Variants in ARHGAP42 observed in about 807,000 individuals in gnomAD.
ARHGAP42 encodes the protein Rho GTPase activating protein 42.
A neutral mutation model predicts 125.0 loss-of-function variants in ARHGAP42; 63 were observed. That is an observed-to-expected ratio of 0.50 (90% CI 0.41 to 0.62). The LOEUF (loss-of-function observed/expected upper bound fraction) is 0.62. ARHGAP42 is among the 20% of genes least tolerant of loss of function. The probability of loss-of-function intolerance (pLI) is 0.00; values close to 1 mark genes in which losing one functional copy is unlikely to be tolerated. For missense variants in ARHGAP42, 766 were observed against 1,024.2 expected, an observed-to-expected ratio of 0.75 and a Z score of 3.44; for synonymous variants, 339 against 351.0, an observed-to-expected ratio of 0.97 and a Z score of 0.38.
intron 3 of ARHGAP42, among the ~76,000 whole-genome samples, chr11:100,844,028 G>A (rs528820541): frequency 3.8e-4 from 58 of 152,130 alleles, no homozygotes; most frequent in African/African-American, 1.3e-3. Flanking sequence ...TGGAGGCATT[G>A]CATTACCTGA....
chr11:100,859,688 A>G (rs1865399590), intron 4 of ARHGAP42, 63 bp downstream of exon 4: 3 of 1,269,938 alleles, frequency 2.4e-6, no homozygotes, highest in African/African-American at 3.1e-5. Context: ...ACATAATTTC[A>G]GATGTTAACA....
At chr11:100,702,566 T>TAAA (rs34466184) in intron 1 of ARHGAP42, among the ~76,000 whole-genome samples, 1 of 141,088 alleles carries the variant, frequency 7.1e-6, no homozygotes, top group Non-Finnish European at 1.5e-5. Context: ...CTTCGATTTG[T>TAAA]AAAAAAAAAA....
chr11:100,822,356 GAATCA>G (rs1864423141), intron 3 of ARHGAP42, among the ~76,000 whole-genome samples: 1 of 151,964 alleles, frequency 6.6e-6, no homozygotes, highest in South Asian at 2.1e-4. Context: ...AGTTTCTATT[GAATCA>G]GTGGTGGATT....
intron 2 of ARHGAP42, among the ~76,000 whole-genome samples, chr11:100,780,392 T>C (rs998415806): frequency 6.6e-6 from 1 of 152,328 alleles, no homozygotes; most frequent in South Asian, 2.1e-4. Flanking sequence ...AATATATACT[T>C]GATCCTAATT....
intron 3 of ARHGAP42, among the ~76,000 whole-genome samples, chr11:100,810,580 G>A (rs1347889603): frequency 1.3e-5 from 2 of 151,962 alleles, no homozygotes; most frequent in Non-Finnish European, 2.9e-5. Flanking sequence ...ATATCTAACT[G>A]CCTTGGTGGA....
Position 100,736,723 on chromosome 11 carries a change from G to A in ARHGAP42, c.155-33620G>A, listed in dbSNP as rs571553430. The stretch of plus-strand genomic sequence containing the variant: ...GTAATTTCTCCGAAAGGATCTTGAC[G>A]TGTTACTGTTATAATAAGCTAAGCA... On this transcript the variant is annotated intron_variant, in intron 1 of 23. Transcript: ENST00000298815. Among the ~76,000 whole-genome samples the A allele has an allele frequency of 7.6e-4, 116 of 152,230 alleles. 1 individual carries two copies. The Middle Eastern group carries it at 0.02, about 27-fold the overall frequency.
In ARHGAP42 at chr11:100,976,150, C is replaced by T; in HGVS notation, c.1949C>T (p.Ser650Leu). 6.4e-7 allele frequency: 1 copy of T among 1,551,654 alleles called. No homozygotes were observed. The stretch of plus-strand genomic sequence containing the variant: ...TCTGAACAAAATAGCACTACAAAGT[C>T]AGCTTCCTGCCAGCCCAGGGAGAAA... ...HSSEQNSTTK[S>L]ASCQPREKSG... is the part of the protein sequence containing the mutation. Residue 650 changes from serine to leucine, a missense_variant, in exon 20 of 24, where the codon TCA (serine) becomes TTA (leucine). Ser to Leu is a moderately radical substitution (Grantham distance 145). This residue lies in a region of ARHGAP42 where 308 missense variants were observed against 369.7 expected (regional missense o/e 0.83). Transcript: ENST00000298815.
intron 1 of ARHGAP42, among the ~76,000 whole-genome samples, chr11:100,730,060 C>T (rs1466581017): frequency 2.0e-5 from 3 of 152,010 alleles, no homozygotes; most frequent in Non-Finnish European, 2.9e-5. Context: ...CCACCTGCCT[C>T]GGCCTCCCAA....
chr11:100,967,396 T>C (rs1224595358), intron 17 of ARHGAP42, among the ~76,000 whole-genome samples: 1 of 152,198 alleles, frequency 6.6e-6, no homozygotes, highest in Non-Finnish European at 1.5e-5. Flanking sequence ...TTAGGAGATA[T>C]AACATTTTAG....
At chr11:100,969,532 ATCTT>A (rs751432779) in intron 17 of ARHGAP42, among the ~76,000 whole-genome samples, 7 of 151,852 alleles carry the variant, frequency 4.6e-5, no homozygotes, top group Non-Finnish European at 1.0e-4. Context: ...CTGATGATCT[ATCTT>A]TCTTTATTTT....
chr11:100,750,667 G>T (rs571553239), intron 1 of ARHGAP42, among the ~76,000 whole-genome samples: 2 of 151,872 alleles, frequency 1.3e-5, no homozygotes, highest in Admixed American at 6.6e-5. Flanking sequence ...CGGGAAAAAT[G>T]GTTATGGCAG....
chr11:100,992,896 C>T lies in ARHGAP42; in HGVS notation c.*4095C>T, dbSNP rs530441832. The T allele has an allele frequency of 8.8e-6, 5 of 569,674 alleles. No homozygotes were observed. In the African/African-American group the frequency reaches 9.6e-5, roughly 11 times the overall value. The allele number at this position is 569,674 out of a possible 1,614,324, so 35.3% of individuals were successfully genotyped here. A position where few individuals can be genotyped will look rare whatever the true frequency, so the allele number is the denominator to read the frequency against. On this transcript the variant is annotated 3_prime_UTR_variant, in exon 24 of 24. Coordinates refer to ENST00000298815, the MANE Select transcript of ARHGAP42 (RefSeq NM_152432.4). ...GGTTTAGGGGGCCCAGCCCATCATT[C>T]CTTTTCCCCTTGGCACTCATGAGAG...
chr11:100,719,847 G>A (rs550509140), intron 1 of ARHGAP42, among the ~76,000 whole-genome samples: 6 of 152,198 alleles, frequency 3.9e-5, no homozygotes, highest in African/African-American at 1.4e-4. Flanking sequence ...TGCTTGAAAA[G>A]AGAGAAGAAG....
At chr11:100,764,648 T>C (rs1862788334) in intron 1 of ARHGAP42, among the ~76,000 whole-genome samples, 1 of 152,166 alleles carries the variant, frequency 6.6e-6, no homozygotes, top group African/African-American at 2.4e-5. Flanking sequence ...TACAAGTGAC[T>C]GTAAAAGCCA....
intron 2 of ARHGAP42, among the ~76,000 whole-genome samples, chr11:100,771,533 C>T (rs1014301454): frequency 6.6e-6 from 1 of 151,870 alleles, no homozygotes; most frequent in Non-Finnish European, 1.5e-5. Flanking sequence ...TGTAAAAATA[C>T]AATACTACAA....
At chr11:100,848,204 C>A (rs1207071270) in intron 3 of ARHGAP42, among the ~76,000 whole-genome samples, 1 of 152,054 alleles carries the variant, frequency 6.6e-6, no homozygotes, top group African/African-American at 2.4e-5. Flanking sequence ...AACATACATT[C>A]CAATTTTACT....
At chr11:100,885,465 A>G (rs188972237) in intron 4 of ARHGAP42, among the ~76,000 whole-genome samples, 67 of 152,314 alleles carry the variant, frequency 4.4e-4, no homozygotes, top group Admixed American at 1.3e-3. Context: ...TCATGGAATC[A>G]GTTTAAATCC....
intron 11 of ARHGAP42, among the ~76,000 whole-genome samples, chr11:100,948,994 A>T (rs474651): frequency 6.6e-6 from 1 of 152,010 alleles, no homozygotes; most frequent in Non-Finnish European, 1.5e-5. Flanking sequence ...ACTTCCATAC[A>T]TATCCCCATT....
intron 1 of ARHGAP42, among the ~76,000 whole-genome samples, chr11:100,713,479 C>G (rs1861598405): frequency 6.6e-6 from 1 of 152,122 alleles, no homozygotes. Flanking sequence ...GAGGCTGTTT[C>G]CTCTATTTTA....
Sources: allele counts gnomAD v4.1 joint callset (sites outside exome capture counted in the v4.1 genomes callset), GRCh38; gene constraint gnomAD v4.1.1; regional missense constraint gnomAD v4.1.1; transcripts MANE v1.5; gene names NCBI Gene and HGNC (gene_info 2026-07-23, HGNC 2026-07-21).